The following CAPN9 variants were observed in gnomAD, a reference collection of about 807,000 sequenced individuals.
CAPN9 encodes calpain 9.
In CAPN9, 81 loss-of-function variants were observed where a neutral mutation model predicts 92.8. The ratio of observed to expected loss-of-function variants is 0.87; its 90% CI spans 0.73 to 1.05. The LOEUF (loss-of-function observed/expected upper bound fraction) is 1.05. Ranked by LOEUF, CAPN9 falls within the 50% of genes least tolerant of loss-of-function variation. The probability of loss-of-function intolerance (pLI) is 0.00; values close to 1 mark genes in which losing one functional copy is unlikely to be tolerated. For synonymous variants in CAPN9, 304 were observed against 328.0 expected, an observed-to-expected ratio of 0.93 and a Z score of 0.79; for missense variants, 848 against 866.2, an observed-to-expected ratio of 0.98 and a Z score of 0.26.
At chr1:230,789,563 G>T (rs373130400) in intron 13 of CAPN9, among the ~76,000 whole-genome samples, 7 of 151,158 alleles carry the variant, frequency 4.6e-5, no homozygotes, top group South Asian at 4.2e-4. Flanking sequence ...GGTGGGGGCT[G>T]CTGAGATTTC....
chr1:230,800,946 CAGT>C (rs1031575220), intron 19 of CAPN9, among the ~76,000 whole-genome samples: 23 of 152,200 alleles, frequency 1.5e-4, no homozygotes, highest in African/African-American at 5.5e-4. Flanking sequence ...CCTTTCATTA[CAGT>C]AGCTCTCATA....
At chr1:230,769,793 C>T (rs752884735) in intron 6 of CAPN9, among the ~76,000 whole-genome samples, 18 of 152,076 alleles carry the variant, frequency 1.2e-4, no homozygotes, top group Non-Finnish European at 2.1e-4. Context: ...TCCTTCTCAG[C>T]CTACTCAACA....
intron 3 of CAPN9, among the ~76,000 whole-genome samples, chr1:230,760,423 C>A (rs564482444): frequency 6.6e-6 from 1 of 152,264 alleles, no homozygotes; most frequent in Admixed American, 6.5e-5. Context: ...ACCTTCCACC[C>A]CAGACAGTGT....
chr1:230,767,471 T>C (rs893522422), intron 4 of CAPN9, 70 bp from the exon 5 acceptor site: 5 of 1,331,066 alleles, frequency 3.8e-6, no homozygotes, highest in South Asian at 1.5e-5. Context: ...AGAAAAGCTC[T>C]GAAAGCAGGG....
intron 5 of CAPN9, among the ~76,000 whole-genome samples, 161 bp from the exon 6 acceptor site, chr1:230,769,019 A>G (rs1322621724): frequency 6.6e-6 from 1 of 152,190 alleles, no homozygotes; most frequent in Non-Finnish European, 1.5e-5. Context: ...ACTGCTAAAC[A>G]TCCTAGGGGA....
chr1:230,790,878 G>A (rs768627646), intron 14 of CAPN9, among the ~76,000 whole-genome samples: 1 of 152,202 alleles, frequency 6.6e-6, no homozygotes, highest in Non-Finnish European at 1.5e-5. Flanking sequence ...TTAAACCTGG[G>A]AGGTGGAGTT....
intron 17 of CAPN9, among the ~76,000 whole-genome samples, chr1:230,794,456 G>A (rs747113370): frequency 1.1e-4 from 17 of 152,102 alleles, no homozygotes; most frequent in Non-Finnish European, 2.1e-4. Flanking sequence ...ACTCCAGCCT[G>A]GGCAACAAGA....
At chr1:230,790,695 C>T (rs1667923543) in intron 14 of CAPN9, among the ~76,000 whole-genome samples, 1 of 152,166 alleles carries the variant, frequency 6.6e-6, no homozygotes, top group Admixed American at 6.5e-5. Flanking sequence ...AATCCCAGCA[C>T]TTTGGGAGGC....
chr1:230,747,766 G>T, intron 1 of CAPN9, 57 bp downstream of exon 1: 1 of 1,504,576 alleles, frequency 6.6e-7, no homozygotes, highest in Non-Finnish European at 9.2e-7. Context: ...AGCAGCCCCC[G>T]CAGGAAGTGG....
intron 9 of CAPN9, among the ~76,000 whole-genome samples, chr1:230,779,544 AG>A (rs1214699687): frequency 6.6e-6 from 1 of 152,126 alleles, no homozygotes; most frequent in African/African-American, 2.4e-5. Context: ...TTATAATCAC[AG>A]GAGGGCTGGC....
intron 11 of CAPN9, among the ~76,000 whole-genome samples, chr1:230,781,227 C>T (rs530392704): frequency 2.4e-4 from 22 of 92,790 alleles, no homozygotes; most frequent in Non-Finnish European, 4.5e-4. Context: ...TAGCTCTGCT[C>T]CCTCGCTCCC....
At chr1:230,795,528 G>A (rs2102938132) in intron 18 of CAPN9, 1 of 424,866 alleles carries the variant, frequency 2.4e-6, no homozygotes, top group East Asian at 4.9e-5. Flanking sequence ...AGGATGATGG[G>A]CTGGGGCAGG....
In CAPN9 at chr1:230,759,548, C is replaced by T. The variant is rs370370799; in HGVS notation, c.320C>T (p.Thr107Met). 117 of 1,611,872 alleles carry T rather than the reference C, an allele frequency of 7.3e-5. No homozygotes were observed. The highest frequency in any genetic ancestry group is 2.3e-4 in the Admixed American group (14 of 59,652). The change falls in exon 3 of 20, where the codon ACG (threonine) becomes ATG (methionine). Residue 107 changes from threonine to methionine, a missense_variant. Transcript: ENST00000271971. The stretch of plus-strand genomic sequence containing the variant: ...CTATTAGCCGCCATCGCCTCCCTTA[C>T]GCTTAATCAAAAAGCACTGGCCAGA... The part of the protein sequence containing the change: ...CWLLAAIASL[T>M]LNQKALARVI...
chr1:230,793,942 C>T (rs1668173920), intron 17 of CAPN9, among the ~76,000 whole-genome samples: 1 of 152,064 alleles, frequency 6.6e-6, no homozygotes, highest in Non-Finnish European at 1.5e-5. Flanking sequence ...TGGGGAGAAT[C>T]GCCCCTCATC....
chr1:230,752,766 T>TG, intron 1 of CAPN9: 1 of 926,654 alleles, frequency 1.1e-6, no homozygotes. Context: ...GGCTATCCCC[T>TG]GGCAGGGGCT....
Position 230,779,009 on chromosome 1 carries a change from A to G in CAPN9, c.990A>G (p.Lys330=). Residue 330 remains lysine (K), a synonymous_variant, in exon 9 of 20, where the codon AAA becomes AAG. Coordinates refer to ENST00000271971, the MANE Select transcript of CAPN9 (RefSeq NM_006615.3). The part of the protein sequence containing the change: ...AFKDFKAHFD[K]VEICNLTPDA... ...AGGACTTCAAGGCCCACTTTGATAA[A>G]GTGGAGATCTGCAACCTCACTCCCG... 6.2e-7 allele frequency: 1 copy of G among 1,613,822 alleles called. No homozygotes were observed. The highest frequency in any genetic ancestry group is 8.5e-7 in the Non-Finnish European group (1 of 1,179,920).
Position 230,780,203 on chromosome 1 carries a change from T to A in CAPN9, c.1139T>A (p.Ile380Lys). ...GATACCTTTTGGACCAATCCACAAA[T>A]AAAATTGTCTCTGACTGAGAAAGAT... ...FLDTFWTNPQ[I>K]KLSLTEKDEG... Residue 380 changes from isoleucine to lysine, a missense_variant, in exon 10 of 20, where the codon ATA becomes AAA. By Grantham distance (102) the Ile-to-Lys change is moderately radical (BLOSUM62 -3). Transcript: ENST00000271971. 4 of 1,613,210 alleles carry A rather than the reference T, an allele frequency of 2.5e-6. No individual in the cohort carries two copies. Among genetic ancestry groups the A allele is most frequent in the Non-Finnish European group, 3.4e-6 (4 of 1,179,740 alleles).
intron 7 of CAPN9, among the ~76,000 whole-genome samples, chr1:230,773,883 C>CTGT (rs1666560273): frequency 1.3e-5 from 2 of 151,992 alleles, no homozygotes. Context: ...TATTTGGAGG[C>CTGT]GGCTGTGGGA....
In CAPN9 at chr1:230,749,899, A is replaced by G. The variant is rs368324147; in HGVS notation, c.213+2190A>G. On this transcript the variant is annotated intron_variant, in intron 1 of 19. Transcript: ENST00000271971. ...CCCCATCCTTGCAGTCTATATTGAC[A>G]TCATCTAGTTTAAAGTGTAATCTGT... Among the ~76,000 whole-genome samples the G allele has an allele frequency of 3.9e-5, 6 of 152,150 alleles. No individual in the cohort carries two copies. The East Asian group carries it at 7.7e-4, about 20-fold the overall frequency.
Sources: allele counts gnomAD v4.1 joint callset (sites outside exome capture counted in the v4.1 genomes callset), GRCh38; gene constraint gnomAD v4.1.1; transcripts MANE v1.5; gene names NCBI Gene and HGNC (gene_info 2026-07-23, HGNC 2026-07-21).